Variants in ASB14 observed in about 807,000 individuals in gnomAD.
ASB14 encodes ankyrin repeat and SOCS box containing 14.
A neutral mutation model predicts 55.6 loss-of-function variants in ASB14; 63 were observed. The ratio of observed to expected loss-of-function variants is 1.13; its 90% CI spans 0.92 to 1.40. The LOEUF (loss-of-function observed/expected upper bound fraction) is 1.40, where lower values mean the gene tolerates loss of function less well. Ranked by LOEUF, ASB14 falls within the 40% of genes most tolerant of loss-of-function variation. The pLI, the probability that ASB14 is intolerant of heterozygous loss-of-function variation, is 0.00. For synonymous variants in ASB14, 256 were observed against 259.9 expected (o/e 0.98, Z 0.15); for missense variants, 724 against 710.4 (o/e 1.02, Z -0.22).
At chr3:57,292,311 CA>C (rs1198136990) in intron 1 of ASB14, among the ~76,000 whole-genome samples, 1 of 152,166 alleles carries the variant, frequency 6.6e-6, no homozygotes, top group East Asian at 1.9e-4. Flanking sequence ...AACCACCTTT[CA>C]AATAAGACTT....
At chr3:57,284,480 A>G (rs1471440380) in intron 5 of ASB14, among the ~76,000 whole-genome samples, 1 of 152,166 alleles carries the variant, frequency 6.6e-6, no homozygotes. Context: ...ACATTGGTAT[A>G]TTGAAGTCTC....
At position 57,288,020 on chromosome 3, in the gene ASB14, C is replaced by T; in HGVS notation, c.350G>A (p.Gly117Asp). Residue 117 changes from glycine (G) to aspartate (D), a missense_variant, in exon 5 of 11, where the codon GGT (glycine) becomes GAT (aspartate). By Grantham distance (94) the Gly-to-Asp change is moderately conservative. Coordinates refer to ENST00000487349, the MANE Select transcript of ASB14 (RefSeq NM_001142733.3). ...GACAGCCAAAAAAAGTGGCGTTTCACCATTGTGAGTGGTTTGCTCCCACAG... is the reference window on the plus strand; with the variant it reads ...GACAGCCAAAAAAAGTGGCGTTTCATCATTGTGAGTGGTTTGCTCCCACAG... ...PSLWEQTTHNGETPLFLAVSS... is the reference protein window; with the variant it reads ...PSLWEQTTHNDETPLFLAVSS... The T allele has an allele frequency of 6.5e-7, 1 of 1,537,360 alleles. No individual in the cohort carries two copies. The highest frequency in any genetic ancestry group is 8.7e-7 in the Non-Finnish European group (1 of 1,146,934).
chr3:57,279,952 T>C (rs758974174), intron 7 of ASB14, among the ~76,000 whole-genome samples: 1 of 152,082 alleles, frequency 6.6e-6, no homozygotes, highest in Non-Finnish European at 1.5e-5. Flanking sequence ...CACGATGTGC[T>C]GACTCAAAGC....
intron 9 of ASB14, among the ~76,000 whole-genome samples, chr3:57,276,991 C>T (rs1482047796): frequency 2.0e-5 from 3 of 152,232 alleles, no homozygotes; most frequent in Non-Finnish European, 2.9e-5. Context: ...TGTGGCCAGG[C>T]GGGGTGGCTC....
chr3:57,269,672 A>G (rs1454390689), intron 10 of ASB14, 54 bp from the exon 11 acceptor site: 2 of 1,613,928 alleles, frequency 1.2e-6, no homozygotes, highest in African/African-American at 2.7e-5. Flanking sequence ...GAAAGAAGAG[A>G]GAATCAGAAG....
intron 10 of ASB14, among the ~76,000 whole-genome samples, chr3:57,275,626 T>C (rs1257339519): frequency 1.3e-5 from 2 of 152,188 alleles, no homozygotes; most frequent in Non-Finnish European, 2.9e-5. Flanking sequence ...GGCATGCATG[T>C]ACAGTTGTAT....
chr3:57,292,112 A>T lies in ASB14; in HGVS notation c.-71-8T>A. On this transcript the variant is annotated splice_region_variant and splice_polypyrimidine_tract_variant and intron_variant, in intron 1 of 10. Transcript: ENST00000487349. ...CAGTTGTGAAGAGATCAACTGCTTA[A>T]AATTACAAATGAAATTCAGAAATCT... is the stretch of plus-strand genomic sequence containing the variant. 7.8e-7 allele frequency: 1 copy of T among 1,276,614 alleles called. No homozygotes were observed. Among genetic ancestry groups the T allele is most frequent in the Non-Finnish European group, 1.0e-6 (1 of 990,038 alleles). The allele number at this position is 1,276,614 out of a possible 1,614,324, so 79.1% of individuals were successfully genotyped here.
chr3:57,286,334 G>A (rs917546599), intron 5 of ASB14, among the ~76,000 whole-genome samples: 2 of 151,214 alleles, frequency 1.3e-5, no homozygotes, highest in African/African-American at 2.4e-5. Flanking sequence ...TATGTAAGTA[G>A]AAAAGTTTAA....
At position 57,278,859 on chromosome 3, in the gene ASB14, G is replaced by A; in HGVS notation, c.949C>T (p.Pro317Ser). The change falls in exon 8 of 11, where the codon CCA (proline) becomes TCA (serine). Residue 317 changes from proline to serine, a missense_variant. Physicochemically the swap from Pro to Ser is moderately conservative, Grantham distance 74. Coordinates refer to ENST00000487349, the MANE Select transcript of ASB14 (RefSeq NM_001142733.3). ...LAAIKQSGISPVHCAAAGAHP... is the reference protein window; with the variant it reads ...LAAIKQSGISSVHCAAAGAHP... ...GCTCCTGCTGCTGCACAGTGAACTG[G>A]ACTGATCCCACTCTGCTTAATGGCA... The A allele has an allele frequency of 6.2e-7, 1 of 1,613,748 alleles. No homozygotes were observed. Among genetic ancestry groups the A allele is most frequent in the Non-Finnish European group, 8.5e-7 (1 of 1,179,990 alleles).
chr3:57,279,264 CTTTTTTTTTTTTTT>C (rs869152915), intron 7 of ASB14, among the ~76,000 whole-genome samples: 2 of 88,030 alleles, frequency 2.3e-5, no homozygotes, highest in Admixed American at 1.3e-4. Flanking sequence ...AAGAGTTTTT[CTTTTTTTTTTTTTT>C]TTTTTTTTTT....
rs375292959 is a variant in ASB14, at chr3:57,283,592, G to T, written c.470-153C>A. ...TTTAGGAAACAGATTGTAAAGTAAG[G>T]CATGTGTCAAATAATACTTACTGAG... On this transcript the variant is annotated intron_variant, in intron 5 of 10. Coordinates refer to ENST00000487349, the MANE Select transcript of ASB14 (RefSeq NM_001142733.3). Among the ~76,000 whole-genome samples the T allele has an allele frequency of 6.6e-5, 10 of 152,240 alleles. No individual in the cohort carries two copies. The East Asian group carries it at 1.4e-3, about 21-fold the overall frequency.
chr3:57,289,017 C>T, intron 3 of ASB14, 51 bp downstream of exon 3: 1 of 1,368,490 alleles, frequency 7.3e-7, no homozygotes, highest in Non-Finnish European at 1.0e-6. Flanking sequence ...TGCATCCAGC[C>T]AATGTCACCG....
At chr3:57,280,598 G>A in intron 6 of ASB14, 125 bp from the exon 7 acceptor site, 1 of 729,112 alleles carries the variant, frequency 1.4e-6, no homozygotes, top group Non-Finnish European at 2.1e-6. Flanking sequence ...AAAGCACCAA[G>A]AATCAAAGTA....
chr3:57,284,047 A>C (rs1050974936), intron 5 of ASB14, among the ~76,000 whole-genome samples: 2 of 150,518 alleles, frequency 1.3e-5, no homozygotes, highest in Admixed American at 6.7e-5. Flanking sequence ...AAAGAAAATG[A>C]TTTTGTAGTT....
chr3:57,276,845 C>T, intron 9 of ASB14, 117 bp from the exon 10 acceptor site: 4 of 904,506 alleles, frequency 4.4e-6, no homozygotes, highest in Middle Eastern at 2.3e-4. Flanking sequence ...ATGGCAAAGT[C>T]AATAGGGAAA....
chr3:57,271,982 A>G (rs568699956), intron 10 of ASB14: 4 of 152,284 alleles, frequency 2.6e-5, no homozygotes, highest in African/African-American at 9.6e-5. Flanking sequence ...AAGGCTGCCC[A>G]TGGGTTTCTG....
chr3:57,280,163 CAAAAAAAAAAAAA>C, intron 7 of ASB14, 126 bp downstream of exon 7: 1 of 214,210 alleles, frequency 4.7e-6, no homozygotes, highest in Non-Finnish European at 7.5e-6. Context: ...GACAGCATCT[CAAAAAAAAAAAAA>C]AAAAAAAAAA....
intron 10 of ASB14, chr3:57,271,965 T>C (rs1241813031): frequency 1.3e-5 from 2 of 152,240 alleles, no homozygotes; most frequent in Non-Finnish European, 2.9e-5. Context: ...GCTCTTTTTG[T>C]TATTTAAAGG....
Position 57,289,104 on chromosome 3 carries a change from C to A in ASB14, c.142G>T (p.Ala48Ser). The change falls in exon 3 of 11, where the codon GCT (alanine) becomes TCT (serine). Residue 48 changes from alanine (A) to serine (S), a missense_variant. Coordinates refer to ENST00000487349, the MANE Select transcript of ASB14 (RefSeq NM_001142733.3). Reference sequence around the variant, plus strand: ...GTTTCAACTATCTTCTTATAGTCAGCGCTCAAAAAGGAATGCAAACTGCAA... The same window carrying A: ...GTTTCAACTATCTTCTTATAGTCAGAGCTCAAAAAGGAATGCAAACTGCAA... Reference protein sequence around the residue: ...KDESLHSFLSADYKKIVETIE... With the variant: ...KDESLHSFLSSDYKKIVETIE... 1 of 1,529,408 alleles carries A rather than the reference C, an allele frequency of 6.5e-7. No individual in the cohort carries two copies. The highest frequency in any genetic ancestry group is 8.8e-7 in the Non-Finnish European group (1 of 1,140,086). The allele number at this position is 1,529,408 out of a possible 1,614,324, so 94.7% of individuals were successfully genotyped here.
Sources: allele counts gnomAD v4.1 joint callset (sites outside exome capture counted in the v4.1 genomes callset), GRCh38; gene constraint gnomAD v4.1.1; transcripts MANE v1.5; gene names NCBI Gene and HGNC (gene_info 2026-07-23, HGNC 2026-07-21).